Variants in SMAD7 observed in about 807,000 individuals in gnomAD.
SMAD7 encodes the protein SMAD family member 7, also known as MAD (mothers against decapentaplegic, Drosophila) homolog 7.
SMAD7 carries 8 observed loss-of-function variants against 38.7 expected under a neutral mutation model. That is an observed-to-expected ratio of 0.21 (90% CI 0.12 to 0.37). The LOEUF (loss-of-function observed/expected upper bound fraction) is 0.37. Among genes scored for constraint, SMAD7 ranks in the 10% least tolerant of loss-of-function variants. The pLI is 1.00. For missense variants in SMAD7, 477 were observed against 577.9 expected (o/e 0.83, Z 1.79); for synonymous variants, 327 against 265.1 (o/e 1.23, Z -2.27).
intron 3 of SMAD7, among the ~76,000 whole-genome samples, chr18:48,929,555 T>A (rs73958607): frequency 2.2e-5 from 1 of 46,352 alleles, no homozygotes; most frequent in African/African-American, 8.0e-5. Context: ...TCTCTTTCTC[T>A]CTCTCTCTCT....
chr18:48,932,889 C>T lies in SMAD7; in HGVS notation c.742+9592G>A, dbSNP rs543646166. On this transcript the variant is annotated intron_variant, in intron 3 of 3. Coordinates refer to ENST00000262158, the MANE Select transcript of SMAD7 (RefSeq NM_005904.4). ...TCACTCCTGGGCTTTGAAAACATCCCACTTCTCCTCTGGCTGTCAAGACAT... is the reference window on the plus strand; with the variant it reads ...TCACTCCTGGGCTTTGAAAACATCCTACTTCTCCTCTGGCTGTCAAGACAT... Among the ~76,000 whole-genome samples, 30 of 152,278 alleles carry T rather than the reference C, an allele frequency of 2.0e-4. No individual in the cohort carries two copies. In the South Asian group the frequency reaches 6.2e-3, roughly 32 times the overall value.
intron 3 of SMAD7, among the ~76,000 whole-genome samples, chr18:48,933,961 A>G (rs2070033920): frequency 6.6e-6 from 1 of 152,206 alleles, no homozygotes; most frequent in African/African-American, 2.4e-5. Context: ...GGCCAGCCAC[A>G]CACACAGGTC....
chr18:48,928,138 G>A (rs1459114100), intron 3 of SMAD7, among the ~76,000 whole-genome samples: 1 of 152,204 alleles, frequency 6.6e-6, no homozygotes, highest in Admixed American at 6.5e-5. Context: ...CCAGCAAGCT[G>A]CTCTGTGACC....
intron 3 of SMAD7, among the ~76,000 whole-genome samples, chr18:48,925,805 G>A (rs1241322484): frequency 1.3e-5 from 2 of 151,950 alleles, no homozygotes; most frequent in African/African-American, 4.8e-5. Context: ...GGAGTGCAGT[G>A]GCACAATCTC....
intron 3 of SMAD7, among the ~76,000 whole-genome samples, chr18:48,927,872 A>G (rs1599222517): frequency 6.6e-6 from 1 of 152,154 alleles, no homozygotes; most frequent in Non-Finnish European, 1.5e-5. Flanking sequence ...GCTGCATACT[A>G]TCACCAGCCT....
intron 3 of SMAD7, among the ~76,000 whole-genome samples, chr18:48,926,104 G>A (rs576100360): frequency 6.6e-6 from 1 of 152,320 alleles, no homozygotes; most frequent in South Asian, 2.1e-4. Flanking sequence ...AAAATGGGAG[G>A]AGGGGGGAAA....
rs1165609309 is a variant in SMAD7 at position 48,942,500 on chromosome 18, C to T, written c.723G>A (p.Leu241=). Residue 241 remains leucine, a synonymous_variant, in exon 3 of 4, where the codon CTG becomes CTA. Transcript: ENST00000262158. ...TCTTACCTGAAAGCCCCCCAGGGGCCAGATAATTCGTTCCCCCTGTTTCAG... is the reference window on the plus strand; with the variant it reads ...TCTTACCTGAAAGCCCCCCAGGGGCTAGATAATTCGTTCCCCCTGTTTCAG... The part of the protein sequence containing the change: ...SSAETGGTNY[L]APGGLSDSQL... 1 of 1,596,958 alleles carries T rather than the reference C, an allele frequency of 6.3e-7. No homozygotes were observed. Among genetic ancestry groups the T allele is most frequent in the Non-Finnish European group, 8.5e-7 (1 of 1,173,866 alleles).
intron 3 of SMAD7, among the ~76,000 whole-genome samples, chr18:48,942,211 C>T (rs539273385): frequency 1.2e-4 from 18 of 152,282 alleles, no homozygotes; most frequent in East Asian, 5.8e-4. Context: ...TAAAAATAAC[C>T]GGGCAACACT....
Position 48,946,120 on chromosome 18 carries a change from AT to A in SMAD7, c.667+2263del, listed in dbSNP as rs375455826. On this transcript the variant is annotated intron_variant, in intron 2 of 3. Coordinates refer to ENST00000262158, the MANE Select transcript of SMAD7 (RefSeq NM_005904.4). ...CTGCAGGGTACCAGGCCCCAGCCCCATTCCCACCACCTTTTCCTAAGATGGA... is the reference window on the plus strand; with the variant it reads ...CTGCAGGGTACCAGGCCCCAGCCCCATCCCACCACCTTTTCCTAAGATGGA... Among the ~76,000 whole-genome samples the A allele has an allele frequency of 7.9e-4, 121 of 152,252 alleles. 2 individuals are homozygous for A. In the East Asian group the frequency reaches 0.017, roughly 22 times the overall value.
intron 3 of SMAD7, among the ~76,000 whole-genome samples, 182 bp from the exon 4 acceptor site, chr18:48,922,092 C>A (rs1263136420): frequency 6.6e-6 from 1 of 152,208 alleles, no homozygotes; most frequent in Non-Finnish European, 1.5e-5. Flanking sequence ...GACCAGGACC[C>A]TGCCTTTCTT....
At chr18:48,931,416 G>A (rs896599563) in intron 3 of SMAD7, among the ~76,000 whole-genome samples, 1 of 152,186 alleles carries the variant, frequency 6.6e-6, no homozygotes, top group Non-Finnish European at 1.5e-5. Flanking sequence ...TTCCTGAACT[G>A]GGGATTCCAC....
rs545528146 is a variant in SMAD7, at chr18:48,920,704, A to C, written c.*668T>G. ...AAGGGAATAAGACAAGGATGAAAAT[A>C]ATTGGTTCTGGTTCGGCCACTAGCA... On this transcript the variant is annotated 3_prime_UTR_variant, in exon 4 of 4. Transcript: ENST00000262158. 4.6e-5 allele frequency: 7 copies of C among 152,428 alleles called. No individual in the cohort carries two copies. The highest frequency in any genetic ancestry group is 1.7e-4 in the African/African-American group (7 of 41,568). 9.4% of individuals were successfully genotyped at this position (152,428 alleles called of 1,614,324 possible).
At chr18:48,940,649 G>C (rs1044849371) in intron 3 of SMAD7, among the ~76,000 whole-genome samples, 1 of 152,158 alleles carries the variant, frequency 6.6e-6, no homozygotes, top group African/African-American at 2.4e-5. Flanking sequence ...CTACTTGGGA[G>C]GCTGAGGCAG....
In SMAD7 at chr18:48,921,497, T is replaced by C; in HGVS notation, c.1156A>G (p.Met386Val). The C allele has an allele frequency of 6.2e-7, 1 of 1,614,210 alleles. No homozygotes were observed. The highest frequency in any genetic ancestry group is 8.5e-7 in the Non-Finnish European group (1 of 1,180,032). ...GTAAAGCCCGTCCACGGCTGCTGCATAAACTCGTGGTCATTGGGCCGCTGC... is the reference window on the plus strand; with the variant it reads ...GTAAAGCCCGTCCACGGCTGCTGCACAAACTCGTGGTCATTGGGCCGCTGC... ...SLQRPNDHEF[M>V]QQPWTGFTVQ... The change falls in exon 4 of 4, where the codon ATG (methionine) becomes GTG (valine). Residue 386 changes from methionine to valine, a missense_variant. This residue lies in a region of SMAD7 where 101 missense variants were observed against 198.5 expected (regional missense o/e 0.51). Coordinates refer to ENST00000262158, the MANE Select transcript of SMAD7 (RefSeq NM_005904.4). The surrounding 1 kb of genome is among the most constrained non-coding windows in gnomAD (Gnocchi z 6.4).
intron 3 of SMAD7, among the ~76,000 whole-genome samples, chr18:48,935,511 G>C (rs1004962383): frequency 6.6e-6 from 1 of 152,202 alleles, no homozygotes; most frequent in African/African-American, 2.4e-5. Flanking sequence ...ACTTGGGCAA[G>C]GACATCACAG....
At position 48,920,382 on chromosome 18, in the gene SMAD7, TC is replaced by T. The variant is rs2069841571; in HGVS notation, c.*989del. 1 of 152,588 alleles carries T rather than the reference TC, an allele frequency of 6.6e-6. No individual in the cohort carries two copies. Among genetic ancestry groups the T allele is most frequent in the Non-Finnish European group, 1.5e-5 (1 of 68,064 alleles). The allele number at this position is 152,588 out of a possible 1,614,324, so 9.5% of individuals were successfully genotyped here. On this transcript the variant is annotated 3_prime_UTR_variant, in exon 4 of 4. Coordinates refer to ENST00000262158, the MANE Select transcript of SMAD7 (RefSeq NM_005904.4). ...GTACCTTGGGTTATGACGGACCAAA[TC>T]CTTCTTGGAGGGAAGGGGACTGCTA...
intron 3 of SMAD7, among the ~76,000 whole-genome samples, chr18:48,934,658 C>T (rs777537677): frequency 5.9e-5 from 9 of 151,922 alleles, no homozygotes; most frequent in Non-Finnish European, 1.2e-4. Flanking sequence ...AACATTTCAA[C>T]TGAAGGTGAC....
intron 3 of SMAD7, among the ~76,000 whole-genome samples, chr18:48,940,796 C>G (rs1022425837): frequency 6.9e-6 from 1 of 144,390 alleles, no homozygotes; most frequent in Non-Finnish European, 1.5e-5. Flanking sequence ...GGCGACAGAG[C>G]GAGACTTTGT....
chr18:48,932,444 C>G (rs1221021054), intron 3 of SMAD7, among the ~76,000 whole-genome samples: 1 of 152,204 alleles, frequency 6.6e-6, no homozygotes, highest in Non-Finnish European at 1.5e-5. Flanking sequence ...GAGTTGTCTT[C>G]TGGCTGAAAG....
Sources: allele counts gnomAD v4.1 joint callset (sites outside exome capture counted in the v4.1 genomes callset), GRCh38; gene constraint gnomAD v4.1.1; regional missense constraint gnomAD v4.1.1; non-coding constraint Gnocchi (gnomAD v3.1); transcripts MANE v1.5; gene names NCBI Gene and HGNC (gene_info 2026-07-23, HGNC 2026-07-21).